The following GRAMD2A variants were observed in gnomAD, a reference collection of about 807,000 sequenced individuals.
GRAMD2A encodes the protein GRAM domain-containing protein 2A.
GRAMD2A carries 37 observed loss-of-function variants against 51.1 expected under a neutral mutation model. That is an observed-to-expected ratio of 0.72 (90% CI 0.56 to 0.95). The LOEUF is 0.95. Among genes scored for constraint, GRAMD2A ranks in the 40% least tolerant of loss-of-function variants. GRAMD2A has a pLI of 0.00. For missense variants in GRAMD2A, 414 were observed against 426.9 expected (o/e 0.97, Z 0.27); for synonymous variants, 136 against 157.1 (o/e 0.87, Z 1.01).
intron 1 of GRAMD2A, among the ~76,000 whole-genome samples, chr15:72,191,768 A>G (rs567405957): frequency 6.6e-6 from 1 of 152,368 alleles, no homozygotes; most frequent in East Asian, 1.9e-4. Context: ...AACAACATCA[A>G]CACATCAGAA....
chr15:72,167,855 A>G lies in GRAMD2A; in HGVS notation c.269-16T>C. ...CAGGAACACACTAGGATGTCACAGG[A>G]GAGAAAATGGCCATAAGCAAGGTCA... On this transcript the variant is annotated splice_polypyrimidine_tract_variant and intron_variant, in intron 4 of 11. Transcript: ENST00000309731. 15 of 1,594,120 alleles carry G rather than the reference A, an allele frequency of 9.4e-6. No individual in the cohort carries two copies. Among genetic ancestry groups the G allele is most frequent in the Non-Finnish European group, 1.3e-5 (15 of 1,161,882 alleles).
At position 72,167,799 on chromosome 15, in the gene GRAMD2A, G is replaced by A; in HGVS notation, c.309C>T (p.Gly103=). The A allele has an allele frequency of 6.2e-7, 1 of 1,614,076 alleles. No homozygotes were observed. The highest frequency in any genetic ancestry group is 1.7e-5 in the Admixed American group (1 of 60,012). ...CALQRDFLLQ[G]RLYISPNWLC... is the part of the protein sequence containing the mutation. The stretch of plus-strand genomic sequence containing the variant: ...GCCAGTTGGGGGAGATGTAGAGCCG[G>A]CCCTGGAGGAGGAAGTCCCTCTGGA... Residue 103 remains glycine (G), a synonymous_variant, in exon 5 of 12, where the codon GGC becomes GGT. Transcript: ENST00000309731.
intron 1 of GRAMD2A, among the ~76,000 whole-genome samples, chr15:72,182,362 C>CAAAAAAAAAAAAAAAAAAAAAAAAAAAAA (rs36075463): frequency 2.1e-5 from 1 of 47,560 alleles, no homozygotes. Flanking sequence ...GAGACTGTCT[C>CAAAAAAAAAAAAAAAAAAAAAAAAAAAAA]AAAAAAAAAA....
intron 3 of GRAMD2A, 72 bp from the exon 4 acceptor site, chr15:72,168,638 C>G (rs1305095915): frequency 7.8e-7 from 1 of 1,275,700 alleles, no homozygotes; most frequent in Non-Finnish European, 1.1e-6. Flanking sequence ...CTCCAGCCAA[C>G]AGGAAATGCC....
At position 72,166,937 on chromosome 15, in the gene GRAMD2A, G is replaced by T. The variant is rs1408938205; in HGVS notation, c.471+57C>A. 1.5e-6 allele frequency: 2 copies of T among 1,351,362 alleles called. No individual in the cohort carries two copies. Among genetic ancestry groups the T allele is most frequent in the African/African-American group, 1.4e-5 (1 of 69,686 alleles). The allele number at this position is 1,351,362 out of a possible 1,614,324, so 83.7% of individuals were successfully genotyped here. On this transcript the variant is annotated intron_variant, in intron 6 of 11. Transcript: ENST00000309731. The surrounding 1 kb of genome is among the most constrained non-coding windows in gnomAD (Gnocchi z 4.1). Reference sequence around the variant, plus strand: ...GGGAATGTGCCCGAGTCAGACTGTGGGCTGTCAGGGCTGGGAGCGGGAGAC... The same window carrying T: ...GGGAATGTGCCCGAGTCAGACTGTGTGCTGTCAGGGCTGGGAGCGGGAGAC...
At chr15:72,178,577 T>TTTC (rs998770018) in intron 1 of GRAMD2A, among the ~76,000 whole-genome samples, 4 of 139,608 alleles carry the variant, frequency 2.9e-5, no homozygotes, top group African/African-American at 1.1e-4. Context: ...TCTTTTTTTT[T>TTTC]TTTTTTTTTT....
intron 1 of GRAMD2A, among the ~76,000 whole-genome samples, chr15:72,180,230 CAG>C (rs1373408200): frequency 1.3e-5 from 2 of 152,226 alleles, no homozygotes; most frequent in African/African-American, 2.4e-5. Flanking sequence ...GCCGGCTCTG[CAG>C]AGAGTGCCCT....
chr15:72,178,881 A>G (rs2081676457), intron 1 of GRAMD2A, among the ~76,000 whole-genome samples: 3 of 152,184 alleles, frequency 2.0e-5, no homozygotes, highest in Middle Eastern at 3.4e-3. Flanking sequence ...GCTGTCTTGC[A>G]CTTTCATAGA....
chr15:72,172,260 A>G (rs905716019), intron 1 of GRAMD2A, among the ~76,000 whole-genome samples: 5 of 151,798 alleles, frequency 3.3e-5, no homozygotes, highest in African/African-American at 1.2e-4. Context: ...CTGGGACTAC[A>G]GGAATGCTCC....
At chr15:72,195,748 C>T (rs976589900) in intron 1 of GRAMD2A, among the ~76,000 whole-genome samples, 1 of 152,034 alleles carries the variant, frequency 6.6e-6, no homozygotes, top group Non-Finnish European at 1.5e-5. Context: ...GGAGAAACCC[C>T]GTCTCTACTA....
chr15:72,163,397 A>G lies in GRAMD2A; in HGVS notation c.825T>C (p.Pro275=). ...WPMPGWGPAC[P]KKMPNCSPTA... ...TGGGAGAGCAGTTCGGCATCTTCTT[A>G]GGGCAGGCAGGACCCCAGCCTGGCA... The change falls in exon 10 of 12, where the codon CCT becomes CCC. Residue 275 remains proline, a synonymous_variant. Coordinates refer to ENST00000309731, the MANE Select transcript of GRAMD2A (RefSeq NM_001012642.3). 6.2e-7 allele frequency: 1 copy of G among 1,614,150 alleles called. No individual in the cohort carries two copies. The highest frequency in any genetic ancestry group is 2.2e-5 in the East Asian group (1 of 44,882).
chr15:72,181,972 G>A (rs1192736272), intron 1 of GRAMD2A, among the ~76,000 whole-genome samples: 1 of 152,172 alleles, frequency 6.6e-6, no homozygotes, highest in African/African-American at 2.4e-5. Context: ...CAAGACTTAG[G>A]GGGAAATAAA....
intron 5 of GRAMD2A, 47 bp downstream of exon 5, chr15:72,167,689 C>T: frequency 2.1e-6 from 3 of 1,419,470 alleles, no homozygotes; most frequent in Non-Finnish European, 3.0e-6. Context: ...GGGCAGGAGG[C>T]TGGCTCCCCT....
chr15:72,167,937 A>T, intron 4 of GRAMD2A, 98 bp from the exon 5 acceptor site: 2 of 808,994 alleles, frequency 2.5e-6, no homozygotes, highest in South Asian at 2.9e-5. Context: ...GTCCAGCCTC[A>T]GGACCTGTCT....
chr15:72,173,080 G>A (rs2081625860), intron 1 of GRAMD2A, among the ~76,000 whole-genome samples: 1 of 152,134 alleles, frequency 6.6e-6, no homozygotes, highest in South Asian at 2.1e-4. Context: ...CAATGGGAAG[G>A]AGCTTGGACA....
chr15:72,160,195 G>A lies in GRAMD2A; in HGVS notation c.*1814C>T, dbSNP rs2081456138. ...CCACCTATAACTGGCACCTCTCATG[G>A]CCTCTGACAACCAAGCAAGGCTCAG... is the stretch of plus-strand genomic sequence containing the variant. On this transcript the variant is annotated 3_prime_UTR_variant, in exon 12 of 12. Transcript: ENST00000309731. 1 of 152,050 alleles carries A rather than the reference G, an allele frequency of 6.6e-6. No individual in the cohort carries two copies. The highest frequency in any genetic ancestry group is 2.4e-5 in the African/African-American group (1 of 41,382). 9.4% of individuals were successfully genotyped at this position (152,050 alleles called of 1,614,324 possible). A position where few individuals can be genotyped will look rare whatever the true frequency, so the allele number is the denominator to read the frequency against.
intron 8 of GRAMD2A, among the ~76,000 whole-genome samples, chr15:72,165,069 G>T (rs1442029922): frequency 1.3e-5 from 2 of 152,260 alleles, no homozygotes; most frequent in Non-Finnish European, 2.9e-5. Context: ...AACCCAGCAG[G>T]TGGAAGTTGC....
At chr15:72,163,541 T>C in intron 9 of GRAMD2A, 65 bp from the exon 10 acceptor site, 2 of 1,598,436 alleles carry the variant, frequency 1.3e-6, no homozygotes, top group South Asian at 1.1e-5. Context: ...GTGAGCCCTT[T>C]TTATGGAACT....
chr15:72,162,456 G>T, intron 10 of GRAMD2A, 79 bp from the exon 11 acceptor site: 2 of 1,026,572 alleles, frequency 1.9e-6, no homozygotes, highest in Non-Finnish European at 3.0e-6. Context: ...AAATAGTGGG[G>T]ACCAAGCTAC....
Sources: allele counts gnomAD v4.1 joint callset (sites outside exome capture counted in the v4.1 genomes callset), GRCh38; gene constraint gnomAD v4.1.1; non-coding constraint Gnocchi (gnomAD v3.1); transcripts MANE v1.5; gene names NCBI Gene and HGNC (gene_info 2026-07-23, HGNC 2026-07-21).